The following HDAC9 variants were observed in gnomAD, a reference collection of about 807,000 sequenced individuals.
HDAC9 encodes histone deacetylase 9, also known as MEF-2 interacting transcription repressor (MITR) protein.
In HDAC9, 41 loss-of-function variants were observed where a neutral mutation model predicts 139.4. That is an observed-to-expected ratio of 0.29 (90% confidence interval 0.23 to 0.38). The LOEUF (loss-of-function observed/expected upper bound fraction) is 0.38, where lower values mean the gene tolerates loss of function less well. HDAC9 is among the 10% of genes least tolerant of loss of function. HDAC9 has a pLI of 1.00. For missense variants in HDAC9, 1,147 were observed against 1,297.0 expected (o/e 0.88, Z 1.78); for synonymous variants, 517 against 476.2 (o/e 1.09, Z -1.12).
At chr7:18,388,091 T>C (rs1317809050) in intron 1 of HDAC9, among the ~76,000 whole-genome samples, 1 of 152,240 alleles carries the variant, frequency 6.6e-6, no homozygotes, top group East Asian at 1.9e-4. Flanking sequence ...GCCCATCTTA[T>C]CCAGGAGAGA....
chr7:18,734,921 T>C (rs967810643), intron 13 of HDAC9, among the ~76,000 whole-genome samples: 4 of 152,240 alleles, frequency 2.6e-5, no homozygotes, highest in African/African-American at 9.6e-5. Context: ...TTTTTAGTGA[T>C]TGCTATTCTA....
At chr7:18,584,137 A>ATTTTT (rs140630559) in intron 2 of HDAC9, among the ~76,000 whole-genome samples, 2 of 80,644 alleles carry the variant, frequency 2.5e-5, no homozygotes, top group African/African-American at 4.3e-5. Context: ...AGAAAGCAGC[A>ATTTTT]TTCTTTTTTT....
At chr7:18,773,824 A>G (rs182442014) in intron 16 of HDAC9, among the ~76,000 whole-genome samples, 11 of 152,152 alleles carry the variant, frequency 7.2e-5, no homozygotes, top group African/African-American at 2.4e-4. Context: ...CATCTGTCAT[A>G]TTTCCACTCC....
chr7:18,636,196 G>A (rs1039391913), intron 8 of HDAC9, among the ~76,000 whole-genome samples: 7 of 152,018 alleles, frequency 4.6e-5, no homozygotes, highest in Non-Finnish European at 1.0e-4. Flanking sequence ...TAATCTAATA[G>A]GAGATCCTGC....
At chr7:18,911,254 A>G (rs972056781) in intron 22 of HDAC9, among the ~76,000 whole-genome samples, 1 of 146,518 alleles carries the variant, frequency 6.8e-6, no homozygotes, top group Admixed American at 6.9e-5. Context: ...TGTCCGTTTT[A>G]TAGTTGTTGC....
intron 2 of HDAC9, among the ~76,000 whole-genome samples, chr7:18,218,616 CAGA>C (rs890890832): frequency 2.0e-4 from 30 of 152,144 alleles, no homozygotes; most frequent in Admixed American, 3.9e-4. Context: ...CCACCACACA[CAGA>C]AGGACATAGA....
intron 1 of HDAC9, among the ~76,000 whole-genome samples, chr7:18,387,132 G>A (rs956088184): frequency 1.3e-5 from 2 of 152,142 alleles, no homozygotes; most frequent in African/African-American, 4.8e-5. Context: ...CTCAAAGAGG[G>A]CTTGTCTCTC....
intron 16 of HDAC9, among the ~76,000 whole-genome samples, chr7:18,775,613 T>C (rs1790696189): frequency 6.6e-6 from 1 of 151,994 alleles, no homozygotes; most frequent in African/African-American, 2.4e-5. Flanking sequence ...TAAATAAGCA[T>C]GTACTGTCCA....
At chr7:18,172,223 T>A (rs1033870047) in intron 2 of HDAC9, among the ~76,000 whole-genome samples, 6 of 152,232 alleles carry the variant, frequency 3.9e-5, no homozygotes, top group Non-Finnish European at 8.8e-5. Flanking sequence ...TTTTCTAGTT[T>A]ATTTGCATAG....
At chr7:18,914,911 C>T (rs970068465) in intron 22 of HDAC9, among the ~76,000 whole-genome samples, 3 of 151,966 alleles carry the variant, frequency 2.0e-5, no homozygotes, top group Non-Finnish European at 4.4e-5. Flanking sequence ...TTACATAATA[C>T]AACCAAGAAG....
intron 22 of HDAC9, among the ~76,000 whole-genome samples, chr7:18,912,556 C>T (rs952658825): frequency 6.6e-6 from 1 of 152,006 alleles, no homozygotes; most frequent in Non-Finnish European, 1.5e-5. Flanking sequence ...TTGGCAGTAT[C>T]TAGAGACATT....
At chr7:18,356,118 TAAAAA>T (rs994409904) in intron 1 of HDAC9, among the ~76,000 whole-genome samples, 3 of 151,756 alleles carry the variant, frequency 2.0e-5, no homozygotes, top group Non-Finnish European at 4.4e-5. Flanking sequence ...GTAAAAAAAC[TAAAAA>T]AGAAAAAAAG....
At chr7:18,499,369 A>G (rs747770482) in intron 2 of HDAC9, among the ~76,000 whole-genome samples, 1 of 151,846 alleles carries the variant, frequency 6.6e-6, no homozygotes, top group Non-Finnish European at 1.5e-5. Context: ...TTTGATATTG[A>G]CTCGGCCAGG....
At chr7:18,855,915 C>CA (rs1291800090) in intron 21 of HDAC9, among the ~76,000 whole-genome samples, 1 of 152,072 alleles carries the variant, frequency 6.6e-6, no homozygotes, top group East Asian at 1.9e-4. Flanking sequence ...CAGAGAAACA[C>CA]AAGGAGCAAA....
At chr7:18,421,286 A>G (rs1375165099) in intron 1 of HDAC9, among the ~76,000 whole-genome samples, 4 of 152,090 alleles carry the variant, frequency 2.6e-5, no homozygotes, top group African/African-American at 9.7e-5. Context: ...ACTTCTTTCC[A>G]AAATCTTTTA....
chr7:18,750,730 G>C (rs28447433), intron 14 of HDAC9, among the ~76,000 whole-genome samples: 4,802 of 152,236 alleles, frequency 0.032, 243 homozygotes, highest in African/African-American at 0.11. Flanking sequence ...CCCATATGGA[G>C]TCCATAAAGT....
intron 12 of HDAC9, among the ~76,000 whole-genome samples, chr7:18,693,311 G>T (rs1238824727): frequency 6.6e-6 from 1 of 151,998 alleles, no homozygotes; most frequent in Non-Finnish European, 1.5e-5. Flanking sequence ...GAAATTCAGA[G>T]TACATTTATA....
At position 18,857,335 on chromosome 7, in the gene HDAC9, T is replaced by TTGTGTGTGTGTGTGTG. The variant is rs375575248; in HGVS notation, c.2685-17129_2685-17114dup. On this transcript the variant is annotated intron_variant, in intron 21 of 25. Coordinates refer to ENST00000686413, the MANE Select transcript of HDAC9 (RefSeq NM_178425.4). ...TATTGTTTCACAAAATATGTTTTAG[T>TTGTGTGTGTGTGTGTG]TGTGTGTGTGTGTGTGTGTGTGTGT... Among the ~76,000 whole-genome samples the TTGTGTGTGTGTGTGTG allele has an allele frequency of 8.5e-3, 1,200 of 140,808 alleles. 14 individuals are homozygous for TTGTGTGTGTGTGTGTG. Among genetic ancestry groups the TTGTGTGTGTGTGTGTG allele is most frequent in the African/African-American group, 0.027 (1,013 of 36,852 alleles). 92.4% of individuals were successfully genotyped at this position (140,808 alleles called of 152,430 possible).
intron 19 of HDAC9, among the ~76,000 whole-genome samples, chr7:18,835,165 G>T (rs1449238221): frequency 6.6e-6 from 1 of 152,090 alleles, no homozygotes; most frequent in Non-Finnish European, 1.5e-5. Flanking sequence ...TTGTACCAAA[G>T]GACTGGGCTT....
Sources: gnomAD v4.1 joint callset for allele counts (sites outside exome capture counted in the v4.1 genomes callset) on GRCh38, gnomAD v4.1.1 for gene constraint, MANE v1.5 for transcripts, NCBI Gene and HGNC (gene_info 2026-07-23, HGNC 2026-07-21) for gene names.